CORO2B: variants seen among roughly 807,000 people sequenced by gnomAD.
The protein encoded by CORO2B is coronin-2B.
CORO2B carries 26 observed loss-of-function variants against 58.8 expected under a neutral mutation model. The observed-to-expected ratio is 0.44, with a 90% CI of 0.32 to 0.61. CORO2B has a LOEUF of 0.61. Among genes scored for constraint, CORO2B ranks in the 20% least tolerant of loss-of-function variants. CORO2B has a pLI of 0.04. For missense variants in CORO2B, 460 were observed against 645.1 expected (o/e 0.71, Z 3.11); for synonymous variants, 242 against 253.8 (o/e 0.95, Z 0.44).
the CORO2B span, among the ~76,000 whole-genome samples, chr15:68,537,425 C>G: frequency 6.6e-6 from 1 of 152,298 alleles, no homozygotes; most frequent in South Asian, 2.1e-4. Context: ...CAAACTACAG[C>G]CCATGGCTGT....
intron 5 of CORO2B, among the ~76,000 whole-genome samples, chr15:68,712,870 A>T (rs1239530378): frequency 6.6e-6 from 1 of 152,096 alleles, no homozygotes; most frequent in Admixed American, 6.5e-5. Context: ...GCCAAGCAGA[A>T]AGAATGTTTA....
chr15:68,548,966 C>G, the CORO2B span, among the ~76,000 whole-genome samples: 1 of 152,138 alleles, frequency 6.6e-6, no homozygotes, highest in African/African-American at 2.4e-5. Context: ...TGGCAAATAT[C>G]TTTAGCTTGT....
chr15:68,597,637 A>AAT (rs1555410483), intron 1 of CORO2B, among the ~76,000 whole-genome samples: 3 of 151,294 alleles, frequency 2.0e-5, no homozygotes, highest in African/African-American at 7.3e-5. Context: ...CAAAAAAAAA[A>AAT]AAATAAATAA....
the CORO2B span, among the ~76,000 whole-genome samples, chr15:68,563,324 C>CA: frequency 2.5e-4 from 38 of 151,206 alleles, no homozygotes; most frequent in African/African-American, 7.0e-4. Flanking sequence ...TACATCCCTA[C>CA]AAAAAAAACA....
chr15:68,618,133 T>TACAC (rs918301147), intron 1 of CORO2B, among the ~76,000 whole-genome samples: 2 of 150,904 alleles, frequency 1.3e-5, no homozygotes, highest in Admixed American at 6.6e-5. Context: ...CACACATGCA[T>TACAC]ACACACACAC....
chr15:68,680,224 A>G (rs1249665740), intron 2 of CORO2B, among the ~76,000 whole-genome samples: 1 of 152,274 alleles, frequency 6.6e-6, no homozygotes, highest in East Asian at 1.9e-4. Context: ...TGGGGGAGTC[A>G]TTTGATCCTG....
the CORO2B span, chr15:68,559,656 G>T: frequency 5.1e-6 from 5 of 985,076 alleles, no homozygotes; most frequent in Non-Finnish European, 6.0e-6. This position sits in a 1 kb window ranked among gnomAD's most constrained non-coding sequence, Gnocchi z 4.3. Context: ...CCCTTTCCCT[G>T]TCTGGGCCTC....
chr15:68,652,897 A>G (rs1901685493), intron 2 of CORO2B, among the ~76,000 whole-genome samples: 1 of 152,230 alleles, frequency 6.6e-6, no homozygotes, highest in Non-Finnish European at 1.5e-5. Context: ...AAGCATTTCT[A>G]TAAATGTGCC....
Position 68,579,180 on chromosome 15 carries a change from AC to A in CORO2B, c.-78del, listed in dbSNP as rs890947097. ...CGGGGAGCGAGCCGGGAGCTGCCGG[AC>A]CCCCTTCCGCCGCCGCCCCGGGCCG... is the stretch of plus-strand genomic sequence containing the variant. On this transcript the variant is annotated 5_prime_UTR_variant, in exon 1 of 12. Coordinates refer to ENST00000261861, the MANE Select transcript of CORO2B (RefSeq NM_006091.5). 1.1e-4 allele frequency: 110 copies of A among 981,816 alleles called. No homozygotes were observed. The highest frequency in any genetic ancestry group is 6.8e-4 in the South Asian group (15 of 21,958). The allele number at this position is 981,816 out of a possible 1,614,324, so 60.8% of individuals were successfully genotyped here.
chr15:68,518,394 C>T, the CORO2B span, among the ~76,000 whole-genome samples: 1 of 152,184 alleles, frequency 6.6e-6, no homozygotes, highest in Non-Finnish European at 1.5e-5. Flanking sequence ...TCTTCCTTTC[C>T]TGCTTCCCTC....
chr15:68,653,785 C>G (rs961839432), intron 2 of CORO2B, among the ~76,000 whole-genome samples: 1 of 152,058 alleles, frequency 6.6e-6, no homozygotes, highest in Non-Finnish European at 1.5e-5. Context: ...GCCTTCGTTC[C>G]CATTCCAGAT....
In CORO2B at chr15:68,711,547, C is replaced by T; in HGVS notation, c.489C>T (p.Leu163=). 6.2e-7 allele frequency: 1 copy of T among 1,611,678 alleles called. No homozygotes were observed. Among genetic ancestry groups the T allele is most frequent in the Non-Finnish European group, 8.5e-7 (1 of 1,178,368 alleles). The part of the protein sequence containing the change: ...LFSAGYDYKV[L]IWNLDVGEPV... ...CCATGCATCTGCCCTCGCAGGTCCT[C>T]ATCTGGAACCTGGATGTGGGTGAGC... Residue 163 remains leucine (L), a synonymous_variant, in exon 5 of 12, where the codon CTC becomes CTT. Coordinates refer to ENST00000261861, the MANE Select transcript of CORO2B (RefSeq NM_006091.5).
chr15:68,605,380 G>C (rs112266550), intron 1 of CORO2B, among the ~76,000 whole-genome samples: 127 of 152,262 alleles, frequency 8.3e-4, no homozygotes, highest in African/African-American at 3.0e-3. Context: ...AAAACTCTAT[G>C]CATCAAGATG....
intron 1 of CORO2B, among the ~76,000 whole-genome samples, chr15:68,600,385 C>G (rs899804509): frequency 1.3e-5 from 2 of 152,158 alleles, no homozygotes; most frequent in Admixed American, 1.3e-4. Flanking sequence ...CACAATCTGC[C>G]AAGGAGTGGA....
chr15:68,627,342 G>A lies in CORO2B; in HGVS notation c.16-17818G>A, dbSNP rs533631088. ...CAGGAAAAGCAATGCACCAGGGCAG[G>A]GCAACTTGCCCTCAGTGCCTGAGAG... On this transcript the variant is annotated intron_variant, in intron 1 of 11. Coordinates refer to ENST00000261861, the MANE Select transcript of CORO2B (RefSeq NM_006091.5). Among the ~76,000 whole-genome samples, 64 of 152,292 alleles carry A rather than the reference G, an allele frequency of 4.2e-4. 1 individual carries two copies. The highest frequency in any genetic ancestry group is 1.5e-3 in the African/African-American group (62 of 41,572).
chr15:68,561,420 A>G, the CORO2B span, among the ~76,000 whole-genome samples: 1 of 151,430 alleles, frequency 6.6e-6, no homozygotes, highest in African/African-American at 2.4e-5. Flanking sequence ...CCCCACTCAG[A>G]GCAAGCACCT....
chr15:68,574,784 G>A (rs944329116), upstream of CORO2B, among the ~76,000 whole-genome samples: 14 of 152,138 alleles, frequency 9.2e-5, no homozygotes, highest in Admixed American at 4.6e-4. Context: ...TGAATCAGGC[G>A]ACCATGGATA....
At chr15:68,585,651 C>G (rs567537092) in intron 1 of CORO2B, among the ~76,000 whole-genome samples, 4 of 152,228 alleles carry the variant, frequency 2.6e-5, no homozygotes. Flanking sequence ...ACCAACCCCC[C>G]ACCTACAACA....
At chr15:68,697,312 G>A (rs1024531154) in intron 3 of CORO2B, among the ~76,000 whole-genome samples, 2 of 152,186 alleles carry the variant, frequency 1.3e-5, no homozygotes, top group African/African-American at 4.8e-5. Context: ...ATAGATGAAT[G>A]AATGAAAGAA....
Sources: allele counts gnomAD v4.1 joint callset (sites outside exome capture counted in the v4.1 genomes callset), GRCh38; gene constraint gnomAD v4.1.1; non-coding constraint Gnocchi (gnomAD v3.1); transcripts MANE v1.5; gene names NCBI Gene and HGNC (gene_info 2026-07-23, HGNC 2026-07-21).